The following SPOUT1 variants were observed in gnomAD, a reference collection of about 807,000 sequenced individuals.
SPOUT1 encodes SPOUT domain containing methyltransferase 1, also known as 28S rRNA (uridine-N(3))-methyltransferase.
SPOUT1 carries 40 observed loss-of-function variants against 54.8 expected under a neutral mutation model. The observed-to-expected ratio is 0.73, with a 90% confidence interval of 0.57 to 0.95. SPOUT1 has a LOEUF of 0.95. Ranked by LOEUF, SPOUT1 falls within the 40% of genes least tolerant of loss-of-function variation. The probability of loss-of-function intolerance (pLI) is 0.00; values close to 1 mark genes in which losing one functional copy is unlikely to be tolerated. For missense variants in SPOUT1, 437 were observed against 499.5 expected (o/e 0.87, Z 1.19); for synonymous variants, 193 against 200.3 (o/e 0.96, Z 0.31).
rs752985770 is a variant in SPOUT1, at chr9:128,822,115, T to C, written c.*650A>G. The stretch of plus-strand genomic sequence containing the variant: ...GTCGCCCACTCTGCCTGACCCAGTG[T>C]TGGGCATAAGGAAAACAGAGGGAAA... On this transcript the variant is annotated 3_prime_UTR_variant, in exon 12 of 12. Coordinates refer to ENST00000361256, the MANE Select transcript of SPOUT1 (RefSeq NM_016390.4). 5.0e-6 allele frequency: 3 copies of C among 604,950 alleles called. No individual in the cohort carries two copies. Among genetic ancestry groups the C allele is most frequent in the Non-Finnish European group, 8.7e-6 (3 of 344,682 alleles). 37.5% of individuals were successfully genotyped at this position (604,950 alleles called of 1,614,324 possible).
chr9:128,825,974 C>T, intron 7 of SPOUT1, 48 bp downstream of exon 7: 1 of 1,612,260 alleles, frequency 6.2e-7, no homozygotes, highest in Non-Finnish European at 8.5e-7. Flanking sequence ...CCCTCCATTG[C>T]CAGGGTGTGT....
intron 7 of SPOUT1, among the ~76,000 whole-genome samples, 191 bp from the exon 8 acceptor site, chr9:128,825,240 T>A (rs1407166440): frequency 6.6e-6 from 1 of 152,230 alleles, no homozygotes; most frequent in African/African-American, 2.4e-5. Context: ...CACAGGTCAC[T>A]GGCCAAACAT....
rs543987654 is a variant in SPOUT1 at position 128,820,671 on chromosome 9, G to A, written c.*2094C>T. 1,178 of 1,349,650 alleles carry A rather than the reference G, an allele frequency of 8.7e-4. 23 individuals carry two copies. In the South Asian group the frequency reaches 0.013, roughly 15 times the overall value. 83.6% of individuals were successfully genotyped at this position (1,349,650 alleles called of 1,614,324 possible). A position where few individuals can be genotyped will look rare whatever the true frequency, so the allele number is the denominator to read the frequency against. On this transcript the variant is annotated 3_prime_UTR_variant, in exon 12 of 12. Transcript: ENST00000361256. ...AGCCTGTCCATCCCCTCAGGACCTG[G>A]GGCGGCCCTCTGATAGAGGAGGAAG...
chr9:128,829,435 C>G (rs571404615), intron 1 of SPOUT1, among the ~76,000 whole-genome samples: 1 of 152,320 alleles, frequency 6.6e-6, no homozygotes, highest in Admixed American at 6.5e-5. Flanking sequence ...GCACTGCCCA[C>G]AGTCGCCCTG....
rs1830146034 is a variant in SPOUT1 at position 128,822,585 on chromosome 9, A to C, written c.*180T>G. The stretch of plus-strand genomic sequence containing the variant: ...ATCCTGGCGCGGGCAGGCAGCCTCA[A>C]GGCCATCACGGCGGGCAGTAAGTGA... On this transcript the variant is annotated 3_prime_UTR_variant, in exon 12 of 12. Coordinates refer to ENST00000361256, the MANE Select transcript of SPOUT1 (RefSeq NM_016390.4). The C allele has an allele frequency of 1.3e-6, 2 of 1,569,734 alleles. No individual in the cohort carries two copies. The highest frequency in any genetic ancestry group is 2.7e-5 in the African/African-American group (2 of 74,290).
At chr9:128,829,184 A>C (rs1031127858) in intron 1 of SPOUT1, 29 bp from the exon 2 acceptor site, 4 of 1,600,040 alleles carry the variant, frequency 2.5e-6, no homozygotes, top group Non-Finnish European at 3.4e-6. Context: ...GAGGATTATG[A>C]GTGTGAGGCT....
intron 7 of SPOUT1, among the ~76,000 whole-genome samples, chr9:128,825,374 C>G (rs572743849): frequency 6.6e-6 from 1 of 152,080 alleles, no homozygotes; most frequent in Middle Eastern, 3.2e-3. Context: ...CTCTCTCACC[C>G]AGGCTGGAGT....
chr9:128,820,679 C>T lies in SPOUT1; in HGVS notation c.*2086G>A. ...CATCCCCTCAGGACCTGGGGCGGCC[C>T]TCTGATAGAGGAGGAAGGGTCCCAG... is the stretch of plus-strand genomic sequence containing the variant. On this transcript the variant is annotated 3_prime_UTR_variant, in exon 12 of 12. Transcript: ENST00000361256. The T allele has an allele frequency of 2.7e-6, 4 of 1,481,228 alleles. No homozygotes were observed. In the African/African-American group the frequency reaches 5.6e-5, roughly 21 times the overall value. 91.8% of individuals were successfully genotyped at this position (1,481,228 alleles called of 1,614,324 possible). A position where few individuals can be genotyped will look rare whatever the true frequency, so the allele number is the denominator to read the frequency against.
chr9:128,820,870 C>T lies in SPOUT1; in HGVS notation c.*1895G>A, dbSNP rs375007966. ...CCAGGTAAGGTGGAAACCAGGGGGGCGGCAGAACCTCCCACTCACCTGAGG... is the reference window on the plus strand; with the variant it reads ...CCAGGTAAGGTGGAAACCAGGGGGGTGGCAGAACCTCCCACTCACCTGAGG... On this transcript the variant is annotated 3_prime_UTR_variant, in exon 12 of 12. Transcript: ENST00000361256. The T allele has an allele frequency of 1.9e-5, 30 of 1,583,938 alleles. No homozygotes were observed. The highest frequency in any genetic ancestry group is 2.2e-5 in the Non-Finnish European group (26 of 1,162,348).
At chr9:128,828,623 T>A (rs928931954) in intron 3 of SPOUT1, 112 bp downstream of exon 3, 19 of 1,140,122 alleles carry the variant, frequency 1.7e-5, no homozygotes, top group Middle Eastern at 3.0e-4. Context: ...CAGGACAAGA[T>A]GTTTGGACCT....
intron 11 of SPOUT1, 123 bp downstream of exon 11, chr9:128,823,624 G>C (rs1479585826): frequency 1.2e-6 from 1 of 832,258 alleles, no homozygotes; most frequent in East Asian, 2.7e-5. Flanking sequence ...AGGGGGATGA[G>C]AGGACCACCT....
At chr9:128,823,955 C>T in intron 10 of SPOUT1, 61 bp from the exon 11 acceptor site, 1 of 1,599,782 alleles carries the variant, frequency 6.3e-7, no homozygotes, top group Non-Finnish European at 8.5e-7. Flanking sequence ...GCACAGCGCC[C>T]AGACCTCAGT....
intron 11 of SPOUT1, among the ~76,000 whole-genome samples, chr9:128,823,268 C>A (rs1830165942): frequency 6.6e-6 from 1 of 152,134 alleles, no homozygotes; most frequent in Non-Finnish European, 1.5e-5. Context: ...TACCAGCCTT[C>A]CCAGCAGAGT....
chr9:128,822,855 G>C, intron 11 of SPOUT1, 22 bp from the exon 12 acceptor site: 1 of 1,548,826 alleles, frequency 6.5e-7, no homozygotes, highest in Non-Finnish European at 8.8e-7. Context: ...GCGTGGCAGT[G>C]GGCTGGGGCC....
intron 11 of SPOUT1, 92 bp downstream of exon 11, chr9:128,823,655 C>T: frequency 8.3e-7 from 1 of 1,211,482 alleles, no homozygotes; most frequent in Admixed American, 2.4e-5. Flanking sequence ...CAGCCACGGG[C>T]AAGGGTGGGT....
rs2280844 is a variant in SPOUT1 at position 128,822,352 on chromosome 9, C to T, written c.*413G>A. ...GGACAGAGGCTGATGGGAAATCCTA[C>T]GTAAAGTACCAGGTCATCGGCAAGA... On this transcript the variant is annotated 3_prime_UTR_variant, in exon 12 of 12. Coordinates refer to ENST00000361256, the MANE Select transcript of SPOUT1 (RefSeq NM_016390.4). The T allele has an allele frequency of 0.046, 73,540 of 1,613,684 alleles. 2,274 individuals are homozygous for T. Among genetic ancestry groups the T allele is most frequent in the East Asian group, 0.13 (5,797 of 44,864 alleles).
chr9:128,820,525 C>T lies in SPOUT1; in HGVS notation c.*2240G>A. 2 of 567,998 alleles carry T rather than the reference C, an allele frequency of 3.5e-6. No individual in the cohort carries two copies. The highest frequency in any genetic ancestry group is 6.3e-6 in the Non-Finnish European group (2 of 318,110). The allele number at this position is 567,998 out of a possible 1,614,324, so 35.2% of individuals were successfully genotyped here. On this transcript the variant is annotated 3_prime_UTR_variant, in exon 12 of 12. Coordinates refer to ENST00000361256, the MANE Select transcript of SPOUT1 (RefSeq NM_016390.4). ...CTTGGGAGCTGAGAAAAGACTTTGA[C>T]ACCTGGGCTGTGGGAGGGACAGAGG... is the stretch of plus-strand genomic sequence containing the variant.
Position 128,824,774 on chromosome 9 carries a change from G to T in SPOUT1, c.808C>A (p.Leu270Ile). Residue 270 changes from leucine (L) to isoleucine (I), a missense_variant, in exon 9 of 12, where the codon CTC (leucine) becomes ATC (isoleucine). Transcript: ENST00000361256. ...WGYTVRLASC[L>I]SAVFAEAPFQ... is the part of the protein sequence containing the mutation. Reference sequence around the variant, plus strand: ...GAGAAGTAAGGTCTGTCCTTACTGAGGCAGGAAGCCAGTCGGACGGTGTAG... The same window carrying T: ...GAGAAGTAAGGTCTGTCCTTACTGATGCAGGAAGCCAGTCGGACGGTGTAG... 1 of 1,611,430 alleles carries T rather than the reference G, an allele frequency of 6.2e-7. No individual in the cohort carries two copies. Among genetic ancestry groups the T allele is most frequent in the Non-Finnish European group, 8.5e-7 (1 of 1,177,548 alleles).
intron 3 of SPOUT1, among the ~76,000 whole-genome samples, chr9:128,827,575 A>AT (rs1317353312): frequency 6.6e-6 from 1 of 152,264 alleles, no homozygotes; most frequent in Non-Finnish European, 1.5e-5. Context: ...GGATACTGCC[A>AT]TTATCCCCAT....
Sources: gnomAD v4.1 joint callset for allele counts (sites outside exome capture counted in the v4.1 genomes callset) on GRCh38, gnomAD v4.1.1 for gene constraint, MANE v1.5 for transcripts, NCBI Gene and HGNC (gene_info 2026-07-23, HGNC 2026-07-21) for gene names.